Variants in AKAP13 observed in about 807,000 individuals in gnomAD.
AKAP13 encodes A-kinase anchor protein 13.
A neutral mutation model predicts 264.5 loss-of-function variants in AKAP13; 80 were observed. The observed-to-expected ratio is 0.30, with a 90% confidence interval of 0.25 to 0.36. The LOEUF (loss-of-function observed/expected upper bound fraction) is 0.36. Among genes scored for constraint, AKAP13 ranks in the 10% least tolerant of loss-of-function variants. The pLI is 1.00. For missense variants in AKAP13, 3,712 were observed against 3,435.2 expected (o/e 1.08, Z -2.01); for synonymous variants, 1,380 against 1,250.2 (o/e 1.10, Z -2.19).
intron 29 of AKAP13, 68 bp from the exon 30 acceptor site, chr15:85,730,445 C>T (rs1262643984): frequency 4.0e-6 from 6 of 1,514,162 alleles, no homozygotes; most frequent in East Asian, 2.3e-5. Context: ...AGGTGGTGCT[C>T]GTGTCTTAGT....
intron 4 of AKAP13, among the ~76,000 whole-genome samples, chr15:85,540,147 A>G (rs906214036): frequency 3.3e-5 from 5 of 152,202 alleles, no homozygotes; most frequent in Middle Eastern, 3.4e-3. Context: ...GGGGGAGGGA[A>G]GATCATGGGC....
chr15:85,597,973 A>G (rs2079891982), intron 8 of AKAP13, among the ~76,000 whole-genome samples: 4 of 152,048 alleles, frequency 2.6e-5, no homozygotes, highest in African/African-American at 7.2e-5. Flanking sequence ...CGCTCTGGGA[A>G]AAGCAGAATT....
At chr15:85,668,815 C>A (rs966214346) in intron 13 of AKAP13, among the ~76,000 whole-genome samples, 1 of 152,028 alleles carries the variant, frequency 6.6e-6, no homozygotes, top group South Asian at 2.1e-4. Flanking sequence ...TGGTGGTGCA[C>A]CCCTGTAATC....
At chr15:85,410,733 G>A (rs933344866) in intron 1 of AKAP13, among the ~76,000 whole-genome samples, 4 of 151,404 alleles carry the variant, frequency 2.6e-5, no homozygotes, top group African/African-American at 7.4e-5. Context: ...GTTTTTCAGG[G>A]CCTAACTCAA....
At chr15:85,539,110 A>G (rs1163514250) in intron 4 of AKAP13, among the ~76,000 whole-genome samples, 2 of 151,892 alleles carry the variant, frequency 1.3e-5, no homozygotes, top group African/African-American at 4.8e-5. Flanking sequence ...GGTTACAGGC[A>G]TGAGCCACTG....
At chr15:85,680,741 A>C (rs924619617) in intron 14 of AKAP13, among the ~76,000 whole-genome samples, 2 of 152,162 alleles carry the variant, frequency 1.3e-5, no homozygotes, top group Admixed American at 6.5e-5. Context: ...TAATAACTAC[A>C]GTTTTGGATT....
intron 4 of AKAP13, chr15:85,535,391 T>G (rs1035107871): frequency 2.6e-5 from 4 of 152,230 alleles, no homozygotes; most frequent in Non-Finnish European, 5.9e-5. Context: ...AGGTAAAACC[T>G]GAAAGGAAGT....
chr15:85,512,829 GTA>G (rs2076478374), intron 2 of AKAP13, among the ~76,000 whole-genome samples: 1 of 79,842 alleles, frequency 1.3e-5, no homozygotes, highest in African/African-American at 2.9e-5. Context: ...ATGTATGTAT[GTA>G]TGTATGTATG....
chr15:85,647,821 G>A (rs562651816), intron 10 of AKAP13, among the ~76,000 whole-genome samples: 86 of 152,116 alleles, frequency 5.7e-4, no homozygotes, highest in African/African-American at 2.0e-3. Context: ...CCAGCTACTC[G>A]GGAGGCTGAG....
chr15:85,684,874 G>C lies in AKAP13; in HGVS notation c.5289+1G>C. ...AATGTCTAGCAGCAAGAAGAGCAAA[G>C]TGAGTATCACTGTGGGCATTGCTTG... On this transcript the variant is annotated splice_donor_variant, in intron 16 of 36. Coordinates refer to ENST00000394518, the MANE Select transcript of AKAP13 (RefSeq NM_007200.5). LOFTEE classifies it high-confidence loss of function. The C allele has an allele frequency of 6.2e-7, 1 of 1,613,750 alleles. No homozygotes were observed. The highest frequency in any genetic ancestry group is 8.5e-7 in the Non-Finnish European group (1 of 1,179,952).
At chr15:85,397,451 C>T (rs2071173299) in intron 1 of AKAP13, among the ~76,000 whole-genome samples, 1 of 152,138 alleles carries the variant, frequency 6.6e-6, no homozygotes, top group African/African-American at 2.4e-5. Context: ...AATGGTTCAT[C>T]TGTGAGATAC....
intron 10 of AKAP13, among the ~76,000 whole-genome samples, chr15:85,653,299 A>G (rs1236154475): frequency 6.6e-6 from 1 of 152,230 alleles, no homozygotes; most frequent in African/African-American, 2.4e-5. Flanking sequence ...TTGAGATACC[A>G]GAATAGGGCA....
chr15:85,721,034 C>T (rs1172066990), intron 23 of AKAP13, among the ~76,000 whole-genome samples: 2 of 152,208 alleles, frequency 1.3e-5, no homozygotes, highest in Non-Finnish European at 2.9e-5. Flanking sequence ...TTCCATTTCT[C>T]TCTCTCTGCC....
intron 3 of AKAP13, among the ~76,000 whole-genome samples, chr15:85,525,506 G>A (rs531239964): frequency 9.2e-5 from 14 of 152,266 alleles, no homozygotes; most frequent in South Asian, 6.2e-4. Context: ...TAACCAAAGC[G>A]TTATAATAAA....
At chr15:85,455,304 C>T (rs765715869) in intron 1 of AKAP13, among the ~76,000 whole-genome samples, 7 of 152,014 alleles carry the variant, frequency 4.6e-5, no homozygotes, top group Non-Finnish European at 1.0e-4. Flanking sequence ...GTTGCCTGTA[C>T]AAAATCTCGT....
chr15:85,466,328 C>A (rs113891384), intron 1 of AKAP13, among the ~76,000 whole-genome samples: 19,470 of 152,076 alleles, frequency 0.13, 1,619 homozygotes, highest in Non-Finnish European at 0.19. Flanking sequence ...ATGGTAGTTT[C>A]TTTTGCTGTA....
intron 1 of AKAP13, among the ~76,000 whole-genome samples, chr15:85,426,047 A>G (rs575957523): frequency 2.0e-5 from 3 of 152,358 alleles, no homozygotes; most frequent in South Asian, 2.1e-4. Flanking sequence ...TACTTGAGCA[A>G]TGGCAGTATT....
intron 8 of AKAP13, among the ~76,000 whole-genome samples, chr15:85,592,652 A>G (rs1567144682): frequency 6.6e-6 from 1 of 152,206 alleles, no homozygotes; most frequent in Non-Finnish European, 1.5e-5. Context: ...AGCTAGAGCT[A>G]GCATCAACCA....
At chr15:85,532,866 C>T (rs2077285617) in intron 3 of AKAP13, among the ~76,000 whole-genome samples, 1 of 152,196 alleles carries the variant, frequency 6.6e-6, no homozygotes, top group Non-Finnish European at 1.5e-5. Flanking sequence ...CCATGGAGTC[C>T]TTGGCATGTT....
Sources: gnomAD v4.1 joint callset for allele counts (sites outside exome capture counted in the v4.1 genomes callset) on GRCh38, gnomAD v4.1.1 for gene constraint, MANE v1.5 for transcripts, NCBI Gene and HGNC (gene_info 2026-07-23, HGNC 2026-07-21) for gene names.